Variants in C10orf90 observed in about 807,000 individuals in gnomAD.
C10orf90 encodes chromosome 10 open reading frame 90.
Under a neutral mutation model 62.5 loss-of-function variants are expected in C10orf90, and 56 were observed. That is an observed-to-expected ratio of 0.90 (90% CI 0.72 to 1.12). The LOEUF is 1.12. C10orf90 is among the 50% of genes most tolerant of loss of function. The pLI is 0.00. For missense variants in C10orf90, 970 were observed against 880.4 expected, an observed-to-expected ratio of 1.10 and a Z score of -1.29; for synonymous variants, 386 against 340.4, an observed-to-expected ratio of 1.13 and a Z score of -1.47.
chr10:126,532,755 T>G (rs1263322908), intron 2 of C10orf90, among the ~76,000 whole-genome samples: 1 of 140,430 alleles, frequency 7.1e-6, no homozygotes, highest in Non-Finnish European at 1.5e-5. Context: ...GAGAATGGCG[T>G]GAACCCGGGA....
intron 2 of C10orf90, among the ~76,000 whole-genome samples, chr10:126,595,784 T>C (rs1022469300): frequency 6.6e-6 from 1 of 152,150 alleles, no homozygotes; most frequent in Admixed American, 6.5e-5. Flanking sequence ...GAGCCCTGAC[T>C]GGGATTGAGG....
chr10:126,437,682 T>TA (rs796806112), intron 7 of C10orf90, among the ~76,000 whole-genome samples: 51 of 152,336 alleles, frequency 3.3e-4, no homozygotes, highest in African/African-American at 8.4e-4. Flanking sequence ...ACATTTATAC[T>TA]AAAAAAGCTT....
chr10:126,474,926 C>T (rs553186933), intron 4 of C10orf90, among the ~76,000 whole-genome samples: 5 of 152,274 alleles, frequency 3.3e-5, no homozygotes, highest in East Asian at 1.9e-4. Flanking sequence ...AAGGGCAAGC[C>T]GCAGAGATCT....
intron 8 of C10orf90, 77 bp from the exon 9 acceptor site, chr10:126,426,167 C>T (rs529187450): frequency 1.9e-4 from 224 of 1,159,198 alleles, no homozygotes; most frequent in Non-Finnish European, 2.3e-4. Flanking sequence ...CCTGTCTTGA[C>T]GGCAGGCTCT....
At position 126,453,891 on chromosome 10, in the gene C10orf90, T is replaced by G. The variant is rs980875974; in HGVS notation, c.2188+5149A>C. Reference sequence around the variant, plus strand: ...TGGGAACCCTGATCATGAGTGTTTTTGGAGTGAAGGAAGGACAGGAAATGA... The same window carrying G: ...TGGGAACCCTGATCATGAGTGTTTTGGGAGTGAAGGAAGGACAGGAAATGA... On this transcript the variant is annotated intron_variant, in intron 7 of 9. Transcript: ENST00000488181. The surrounding 1 kb of genome is among the most constrained non-coding windows in gnomAD (Gnocchi z 4.9). Among the ~76,000 whole-genome samples, 3 of 151,952 alleles carry G rather than the reference T, an allele frequency of 2.0e-5. No individual in the cohort carries two copies. The highest frequency in any genetic ancestry group is 2.9e-5 in the Non-Finnish European group (2 of 67,974).
At chr10:126,493,983 T>A (rs1457366581) in intron 4 of C10orf90, among the ~76,000 whole-genome samples, 1 of 152,218 alleles carries the variant, frequency 6.6e-6, no homozygotes, top group African/African-American at 2.4e-5. Context: ...TGTTCACAGC[T>A]TTTTTGGCTC....
chr10:126,544,512 C>T (rs192395493), intron 2 of C10orf90, among the ~76,000 whole-genome samples: 2 of 152,104 alleles, frequency 1.3e-5, no homozygotes, highest in Non-Finnish European at 2.9e-5. Context: ...AACCATAAGA[C>T]ACATTCCCAA....
chr10:126,487,976 G>A (rs963095448), intron 4 of C10orf90, among the ~76,000 whole-genome samples: 1 of 152,024 alleles, frequency 6.6e-6, no homozygotes, highest in African/African-American at 2.4e-5. Flanking sequence ...GCCTTGATGA[G>A]TTCACGTTAC....
At chr10:126,476,482 G>A (rs944889411) in intron 4 of C10orf90, among the ~76,000 whole-genome samples, 9 of 152,168 alleles carry the variant, frequency 5.9e-5, no homozygotes, top group Non-Finnish European at 8.8e-5. Flanking sequence ...GTCAGTGCAG[G>A]CCAGGCCGCA....
At chr10:126,513,712 G>T in intron 3 of C10orf90, 136 bp downstream of exon 3, 1 of 608,278 alleles carries the variant, frequency 1.6e-6, no homozygotes, top group Non-Finnish European at 2.9e-6. Flanking sequence ...CTATAGCACG[G>T]TTAGATTGTT....
At chr10:126,610,253 C>G (rs116447507) in intron 2 of C10orf90, among the ~76,000 whole-genome samples, 4 of 152,198 alleles carry the variant, frequency 2.6e-5, no homozygotes, top group African/African-American at 9.6e-5. Context: ...GTTTAATCCC[C>G]TGGCTCTGCC....
intron 2 of C10orf90, among the ~76,000 whole-genome samples, chr10:126,542,353 A>G (rs1423910597): frequency 6.6e-6 from 1 of 152,018 alleles, no homozygotes; most frequent in Non-Finnish European, 1.5e-5. Flanking sequence ...AAATACAAAA[A>G]TTAGCTGGGT....
intron 2 of C10orf90, among the ~76,000 whole-genome samples, chr10:126,547,956 G>A (rs960089142): frequency 2.0e-5 from 3 of 152,014 alleles, no homozygotes; most frequent in African/African-American, 7.2e-5. Flanking sequence ...GGCTTACACT[G>A]AAAAAGTTCT....
chr10:126,574,413 C>T (rs1844569775), intron 2 of C10orf90, among the ~76,000 whole-genome samples: 1 of 151,906 alleles, frequency 6.6e-6, no homozygotes. Flanking sequence ...ATATGTTTGA[C>T]CTCACTATAA....
chr10:126,493,367 T>C (rs1039201946), intron 4 of C10orf90, among the ~76,000 whole-genome samples: 2 of 150,054 alleles, frequency 1.3e-5, no homozygotes, highest in Non-Finnish European at 3.0e-5. Flanking sequence ...TGTTTTCCTT[T>C]TTTTTTTTTT....
At chr10:126,614,577 T>C (rs1396389337) in intron 2 of C10orf90, among the ~76,000 whole-genome samples, 1 of 152,140 alleles carries the variant, frequency 6.6e-6, no homozygotes, top group Non-Finnish European at 1.5e-5. Flanking sequence ...GGGGATCTAG[T>C]TGAGGAGACC....
At chr10:126,487,042 G>A (rs1274924747) in intron 4 of C10orf90, among the ~76,000 whole-genome samples, 2 of 150,844 alleles carry the variant, frequency 1.3e-5, no homozygotes, top group African/African-American at 4.9e-5. Context: ...CTACTTGGGA[G>A]GCTGAGGCAG....
intron 7 of C10orf90, among the ~76,000 whole-genome samples, chr10:126,438,122 A>G (rs1858039841): frequency 6.6e-6 from 1 of 152,218 alleles, no homozygotes; most frequent in African/African-American, 2.4e-5. Context: ...AGACAGCTCC[A>G]GGCAAGGTGC....
At chr10:126,480,290 T>G (rs1861102762) in intron 4 of C10orf90, among the ~76,000 whole-genome samples, 1 of 152,234 alleles carries the variant, frequency 6.6e-6, no homozygotes, top group Non-Finnish European at 1.5e-5. Flanking sequence ...TGGGCCAAAC[T>G]CAAAATGTCA....
Sources: gnomAD v4.1 joint callset for allele counts (sites outside exome capture counted in the v4.1 genomes callset) on GRCh38, gnomAD v4.1.1 for gene constraint, Gnocchi (gnomAD v3.1) non-coding constraint, MANE v1.5 for transcripts, NCBI Gene and HGNC (gene_info 2026-07-23, HGNC 2026-07-21) for gene names.